The following RBFOX1 variants were observed in gnomAD, a reference collection of about 807,000 sequenced individuals.
RBFOX1 encodes the protein RNA binding protein fox-1 homolog 1.
Under a neutral mutation model 57.7 loss-of-function variants are expected in RBFOX1, and 8 were observed. The observed-to-expected ratio is 0.14, with a 90% CI of 0.08 to 0.25. RBFOX1 has a LOEUF of 0.25. Ranked by LOEUF, RBFOX1 falls within the 10% of genes least tolerant of loss-of-function variation. The pLI is 1.00. For synonymous variants in RBFOX1, 326 were observed against 222.4 expected (o/e 1.47, Z -4.15); for missense variants, 611 against 548.5 (o/e 1.11, Z -1.14).
chr16:7,156,332 T>C (rs952759108), intron 4 of RBFOX1, among the ~76,000 whole-genome samples: 4 of 151,222 alleles, frequency 2.6e-5, no homozygotes, highest in African/African-American at 9.9e-5. Context: ...TTGCAGCATA[T>C]GTATATACAT....
chr16:6,238,672 A>G (rs1161418467), intron 1 of RBFOX1, among the ~76,000 whole-genome samples: 1 of 152,190 alleles, frequency 6.6e-6, no homozygotes, highest in Admixed American at 6.5e-5. Flanking sequence ...GAATCCCAGC[A>G]GCTTTATGCT....
intron 4 of RBFOX1, among the ~76,000 whole-genome samples, chr16:5,961,980 G>A (rs964204600): frequency 2.0e-5 from 3 of 152,146 alleles, no homozygotes; most frequent in African/African-American, 4.8e-5. Flanking sequence ...GTGGTAGCTC[G>A]ATGAAGGTAT....
intron 3 of RBFOX1, among the ~76,000 whole-genome samples, chr16:5,645,804 T>C (rs562669311): frequency 6.6e-6 from 1 of 152,334 alleles, no homozygotes; most frequent in South Asian, 2.1e-4. Context: ...TAGCTAGAAC[T>C]ACAGGCATGT....
At chr16:6,622,844 G>A (rs1210745825) in intron 2 of RBFOX1, among the ~76,000 whole-genome samples, 1 of 152,192 alleles carries the variant, frequency 6.6e-6, no homozygotes, top group East Asian at 1.9e-4. Context: ...GAGCAAATGT[G>A]AAATTTAGTT....
At chr16:5,663,618 A>T (rs2049730906) in intron 3 of RBFOX1, among the ~76,000 whole-genome samples, 1 of 152,146 alleles carries the variant, frequency 6.6e-6, no homozygotes, top group East Asian at 1.9e-4. Flanking sequence ...AAGCTGGTTT[A>T]TGTACTGAAT....
chr16:7,676,928 G>A, intron 14 of RBFOX1, 90 bp downstream of exon 14: 2 of 1,319,530 alleles, frequency 1.5e-6, no homozygotes, highest in Non-Finnish European at 2.2e-6. Context: ...TGGTGAAACT[G>A]CATGACTGCT....
intron 3 of RBFOX1, among the ~76,000 whole-genome samples, chr16:7,029,591 A>G (rs1420932588): frequency 3.3e-5 from 5 of 152,114 alleles, no homozygotes; most frequent in African/African-American, 7.2e-5. Context: ...TGGACATGAG[A>G]TCATTAAGTA....
chr16:6,406,558 C>G (rs1539296), intron 2 of RBFOX1, among the ~76,000 whole-genome samples: 1 of 151,610 alleles, frequency 6.6e-6, no homozygotes, highest in Non-Finnish European at 1.5e-5. Context: ...TGTTTGTAGA[C>G]CTATTTTTGG....
chr16:6,817,211 G>A (rs566528073), intron 3 of RBFOX1, among the ~76,000 whole-genome samples: 13 of 152,232 alleles, frequency 8.5e-5, no homozygotes, highest in African/African-American at 3.1e-4. Flanking sequence ...TTAGGTGCAA[G>A]GAACTTTGTT....
intron 3 of RBFOX1, among the ~76,000 whole-genome samples, chr16:6,887,027 C>A (rs1208618211): frequency 1.3e-5 from 2 of 152,056 alleles, no homozygotes; most frequent in South Asian, 4.2e-4. Flanking sequence ...GATTATCTTC[C>A]ATATACTGGT....
intron 4 of RBFOX1, among the ~76,000 whole-genome samples, chr16:7,394,784 G>T (rs1442835056): frequency 6.6e-6 from 1 of 152,074 alleles, no homozygotes; most frequent in Non-Finnish European, 1.5e-5. Context: ...TTTTTTCCTG[G>T]TATAAATGAT....
intron 3 of RBFOX1, among the ~76,000 whole-genome samples, chr16:6,821,280 C>G (rs1357681370): frequency 6.6e-6 from 1 of 152,198 alleles, no homozygotes; most frequent in Non-Finnish European, 1.5e-5. Context: ...TCACCTGGGT[C>G]TGTGGTGCTT....
At chr16:5,996,914 G>C (rs1028203981) in intron 4 of RBFOX1, among the ~76,000 whole-genome samples, 13 of 152,180 alleles carry the variant, frequency 8.5e-5, no homozygotes, top group African/African-American at 3.1e-4. Context: ...AAAAACCACA[G>C]TTACTTTTGC....
intron 4 of RBFOX1, among the ~76,000 whole-genome samples, chr16:7,335,861 G>A (rs531946394): frequency 6.6e-6 from 1 of 152,260 alleles, no homozygotes; most frequent in East Asian, 1.9e-4. Flanking sequence ...TAGCCAAATA[G>A]AGAGTTTTTC....
intron 4 of RBFOX1, among the ~76,000 whole-genome samples, chr16:7,224,537 G>C (rs912485397): frequency 6.6e-6 from 1 of 152,074 alleles, no homozygotes; most frequent in Non-Finnish European, 1.5e-5. Context: ...GATTTAACTA[G>C]TAAAATCAGA....
At chr16:5,843,113 C>T (rs1672143002) in intron 3 of RBFOX1, among the ~76,000 whole-genome samples, 1 of 152,214 alleles carries the variant, frequency 6.6e-6, no homozygotes, top group Non-Finnish European at 1.5e-5. Flanking sequence ...AGGCGTGAGC[C>T]ACCACGCCAG....
At chr16:7,576,748 G>T (rs2093370336) in intron 5 of RBFOX1, among the ~76,000 whole-genome samples, 1 of 152,086 alleles carries the variant, frequency 6.6e-6, no homozygotes, top group Admixed American at 6.6e-5. Context: ...TCCTAATTAG[G>T]TTCATTAAAC....
intron 4 of RBFOX1, among the ~76,000 whole-genome samples, chr16:7,248,208 C>A (rs1353128874): frequency 6.6e-6 from 1 of 152,168 alleles, no homozygotes; most frequent in Non-Finnish European, 1.5e-5. Context: ...GATAGGGTCC[C>A]TGTGATGTTT....
intron 4 of RBFOX1, among the ~76,000 whole-genome samples, chr16:7,448,187 C>G (rs981708463): frequency 2.0e-5 from 3 of 152,180 alleles, no homozygotes; most frequent in Non-Finnish European, 2.9e-5. Flanking sequence ...AACAGAGCGG[C>G]TTAAAATAAC....
Sources: gnomAD v4.1 joint callset for allele counts (sites outside exome capture counted in the v4.1 genomes callset) on GRCh38, gnomAD v4.1.1 for gene constraint, MANE v1.5 for transcripts, NCBI Gene and HGNC (gene_info 2026-07-23, HGNC 2026-07-21) for gene names.